SUCO: variants seen among roughly 807,000 people sequenced by gnomAD.
SUCO encodes the protein SUN domain-containing ossification factor.
In SUCO, 57 loss-of-function variants were observed where a neutral mutation model predicts 148.1. The ratio of observed to expected loss-of-function variants is 0.38; its 90% CI spans 0.31 to 0.48. SUCO has a LOEUF of 0.48. SUCO is among the 20% of genes least tolerant of loss of function. SUCO has a pLI of 0.96. For missense variants in SUCO, 1,331 were observed against 1,468.2 expected (o/e 0.91, Z 1.53); for synonymous variants, 470 against 502.7 (o/e 0.93, Z 0.87).
intron 6 of SUCO, among the ~76,000 whole-genome samples, chr1:172,561,655 G>A (rs1176292081): frequency 2.0e-5 from 3 of 152,104 alleles, no homozygotes; most frequent in Non-Finnish European, 4.4e-5. Flanking sequence ...TCGAAAAGAA[G>A]TATTACACTA....
intron 9 of SUCO, among the ~76,000 whole-genome samples, chr1:172,572,591 A>C (rs1035986692): frequency 6.6e-6 from 1 of 151,506 alleles, no homozygotes; most frequent in Non-Finnish European, 1.5e-5. Context: ...CTGCATAGGA[A>C]AACCAGAGAC....
chr1:172,595,742 A>G (rs1657047769), intron 19 of SUCO, among the ~76,000 whole-genome samples: 1 of 152,042 alleles, frequency 6.6e-6, no homozygotes, highest in Non-Finnish European at 1.5e-5. Context: ...GGTGAATCTG[A>G]CAATTATGTG....
rs183548527 is a variant in SUCO at position 172,547,912 on chromosome 1, G to A, written c.63-3600G>A. On this transcript the variant is annotated intron_variant, in intron 1 of 23. Coordinates refer to ENST00000263688, the MANE Select transcript of SUCO (RefSeq NM_014283.5). ...AAGTTACTGGGAGAGAGGGAACAGA[G>A]GGAGAGAGGAAGGATGAGTGAGCAT... Among the ~76,000 whole-genome samples the A allele has an allele frequency of 2.6e-4, 40 of 152,176 alleles. No homozygotes were observed. In the East Asian group the frequency reaches 7.3e-3, roughly 28 times the overall value.
intron 5 of SUCO, 22 bp downstream of exon 5, chr1:172,557,439 T>A: frequency 6.2e-7 from 1 of 1,613,412 alleles, no homozygotes; most frequent in Non-Finnish European, 8.5e-7. Flanking sequence ...CAGTTGTTTG[T>A]CCTTCTTATG....
chr1:172,575,005 T>A, intron 10 of SUCO: 1 of 431,394 alleles, frequency 2.3e-6, no homozygotes, highest in South Asian at 9.7e-5. Context: ...GAGGGCTCAT[T>A]ATTTTGAGGA....
At chr1:172,559,981 TAAG>T (rs71563206) in intron 6 of SUCO, among the ~76,000 whole-genome samples, 6,689 of 152,266 alleles carry the variant, frequency 0.044, 182 homozygotes, top group East Asian at 0.067. Context: ...TCCTTAATCT[TAAG>T]AAGGCTGCAC....
At chr1:172,550,595 C>T (rs1286540673) in intron 1 of SUCO, among the ~76,000 whole-genome samples, 1 of 151,826 alleles carries the variant, frequency 6.6e-6, no homozygotes, top group Non-Finnish European at 1.5e-5. Context: ...CATTTTTATG[C>T]CTCTTTTATC....
At position 172,533,318 on chromosome 1, in the gene SUCO, C is replaced by G; in HGVS notation, c.-118C>G. The G allele has an allele frequency of 1.3e-6, 2 of 1,551,164 alleles. No homozygotes were observed. The highest frequency in any genetic ancestry group is 2.7e-5 in the African/African-American group (2 of 73,148). ...GGAGCCGCTCAGCCAGCGCCATAGC[C>G]CTTAGGACTATCGGTCACATTCTCG... On this transcript the variant is annotated 5_prime_UTR_variant, in exon 1 of 24. Transcript: ENST00000263688.
chr1:172,532,743 G>A (rs1262538084), upstream of SUCO: 12 of 1,613,836 alleles, frequency 7.4e-6, no homozygotes, highest in South Asian at 1.3e-4. Context: ...AATTCTGGAA[G>A]GCAAACTACA....
At chr1:172,579,150 T>TA (rs1655681840) in intron 14 of SUCO, 52 bp from the exon 15 acceptor site, 1 of 995,340 alleles carries the variant, frequency 1.0e-6, no homozygotes, top group Non-Finnish European at 1.6e-6. Flanking sequence ...TTAAATATGT[T>TA]ACCATTGGAG....
intron 18 of SUCO, chr1:172,590,200 T>A (rs903403547): frequency 4.3e-5 from 16 of 371,898 alleles, no homozygotes; most frequent in African/African-American, 3.5e-4. Flanking sequence ...CTTTCACCTT[T>A]TTTCGGTTGC....
At chr1:172,562,338 T>A (rs1018511085) in intron 6 of SUCO, among the ~76,000 whole-genome samples, 25 of 151,232 alleles carry the variant, frequency 1.7e-4, no homozygotes, top group East Asian at 5.8e-4. Flanking sequence ...TTTTTTTTTT[T>A]TTTTTTTTTA....
intron 22 of SUCO, among the ~76,000 whole-genome samples, chr1:172,606,424 G>A (rs1165912897): frequency 6.6e-6 from 1 of 151,492 alleles, no homozygotes; most frequent in Non-Finnish European, 1.5e-5. Flanking sequence ...AAGTATTAAT[G>A]TTTGCCAAAG....
chr1:172,573,899 T>C lies in SUCO; in HGVS notation c.1058T>C (p.Ile353Thr), dbSNP rs577892601. The C allele has an allele frequency of 5.3e-5, 83 of 1,571,612 alleles. 1 individual carries two copies. In the South Asian group the frequency reaches 8.4e-4, roughly 16 times the overall value. The part of the protein sequence containing the change: ...NPCSTKIWFV[I>T]ELCEPIQVKQ... ...TTTTGTTCTTTTTGAAGGTTTGTTA[T>C]TGAACTTTGTGAACCAATTCAAGTA... The change falls in exon 10 of 24, where the codon ATT (isoleucine) becomes ACT (threonine). Residue 353 changes from isoleucine (I) to threonine (T), a missense_variant. Physicochemically the swap from Ile to Thr is moderately conservative, Grantham distance 89. Transcript: ENST00000263688.
chr1:172,588,568 C>A (rs1257138850), intron 17 of SUCO, 192 bp from the exon 18 acceptor site: 1 of 984,902 alleles, frequency 1.0e-6, no homozygotes, highest in Non-Finnish European at 1.2e-6. Flanking sequence ...AATAGTATTT[C>A]TCTTATCATT....
intron 22 of SUCO, among the ~76,000 whole-genome samples, chr1:172,605,532 T>A (rs1657816807): frequency 6.6e-6 from 1 of 151,892 alleles, no homozygotes; most frequent in South Asian, 2.1e-4. Context: ...TCTGTGTTTA[T>A]GCCAGTACTC....
At chr1:172,580,802 C>T (rs1655823807) in intron 15 of SUCO, among the ~76,000 whole-genome samples, 1 of 152,020 alleles carries the variant, frequency 6.6e-6, no homozygotes, top group Admixed American at 6.6e-5. Context: ...TTCTAGATGC[C>T]ATTAAAACCT....
intron 15 of SUCO, among the ~76,000 whole-genome samples, chr1:172,580,744 T>C (rs1364185801): frequency 6.6e-6 from 1 of 152,070 alleles, no homozygotes; most frequent in Non-Finnish European, 1.5e-5. Flanking sequence ...AAAGGAAAAG[T>C]GTGTTGATAT....
chr1:172,532,844 C>T (rs751708719), upstream of SUCO: 10 of 1,542,292 alleles, frequency 6.5e-6, no homozygotes, highest in African/African-American at 6.9e-5. Context: ...GGGCTCCTCC[C>T]GGCTTTCTGA....
Sources: allele counts gnomAD v4.1 joint callset (sites outside exome capture counted in the v4.1 genomes callset), GRCh38; gene constraint gnomAD v4.1.1; transcripts MANE v1.5; gene names NCBI Gene and HGNC (gene_info 2026-07-23, HGNC 2026-07-21).